SALL2: variants seen among roughly 807,000 people sequenced by gnomAD.
SALL2 encodes the protein sal-like protein 2.
Under a neutral mutation model 58.5 loss-of-function variants are expected in SALL2, and 32 were observed. The observed-to-expected ratio is 0.55, with a 90% CI of 0.41 to 0.74. The LOEUF (loss-of-function observed/expected upper bound fraction) is 0.74, where lower values mean the gene tolerates loss of function less well. SALL2 is among the 30% of genes least tolerant of loss of function. The pLI is 0.00. For synonymous variants in SALL2, 516 were observed against 513.6 expected (o/e 1.00, Z -0.06); for missense variants, 1,201 against 1,268.9 (o/e 0.95, Z 0.81).
intron 1 of SALL2, among the ~76,000 whole-genome samples, chr14:21,533,854 A>G (rs1892526954): frequency 6.6e-6 from 1 of 151,958 alleles, no homozygotes; most frequent in African/African-American, 2.4e-5. Context: ...AAGGCAAAAG[A>G]CTCCTGGAAA....
chr14:21,533,756 T>C (rs988702244), intron 1 of SALL2, among the ~76,000 whole-genome samples: 9 of 152,192 alleles, frequency 5.9e-5, no homozygotes, highest in African/African-American at 2.2e-4. Flanking sequence ...CTTGGTGATG[T>C]CTTAGGTCAC....
chr14:21,524,633 G>A lies in SALL2; in HGVS notation c.1089C>T (p.Pro363=), dbSNP rs1159490439. The A allele has an allele frequency of 1.2e-5, 19 of 1,614,066 alleles. No homozygotes were observed. The highest frequency in any genetic ancestry group is 1.6e-4 in the Middle Eastern group (1 of 6,084). The part of the protein sequence containing the change: ...GELSYGEVMG[P]LEKPGGRHKC... ...TGTGCCTTCCACCAGGCTTCTCCAA[G>A]GGACCCATCACTTCTCCGTAGCTCA... Residue 363 remains proline, a synonymous_variant, in exon 2 of 2, where the codon CCC becomes CCT. Transcript: ENST00000537235.
At position 21,523,098 on chromosome 14, in the gene SALL2, G is replaced by A. The variant is rs1892111990; in HGVS notation, c.2624C>T (p.Ser875Leu). ...GKPERSSSPASALTPEGEATS... is the reference protein window; with the variant it reads ...GKPERSSSPALALTPEGEATS... ...GGCTTCCCCTTCTGGGGTGAGTGCT[G>A]ATGCCGGACTTGAGCTTCTCTCCGG... The change falls in exon 2 of 2, where the codon TCA (serine) becomes TTA (leucine). Residue 875 changes from serine to leucine, a missense_variant. This residue lies in a region of SALL2 where 675 missense variants were observed against 683.8 expected (regional missense o/e 0.99). Coordinates refer to ENST00000537235, the MANE Select transcript of SALL2 (RefSeq NM_001364564.1). This position sits in a 1 kb window ranked among gnomAD's most constrained non-coding sequence, Gnocchi z 4.4. 1 of 1,614,168 alleles carries A rather than the reference G, an allele frequency of 6.2e-7. No individual in the cohort carries two copies. The highest frequency in any genetic ancestry group is 1.1e-5 in the South Asian group (1 of 91,078).
Position 21,521,765 on chromosome 14 carries a change from C to T in SALL2, c.*939G>A. On this transcript the variant is annotated 3_prime_UTR_variant, in exon 2 of 2. Coordinates refer to ENST00000537235, the MANE Select transcript of SALL2 (RefSeq NM_001364564.1). ...AAATATCTCCTGGGAGACCTCTTGG[C>T]AAGAAATCAGCTTGTTTCCCAACTT... 1.7e-5 allele frequency: 8 copies of T among 470,812 alleles called. No homozygotes were observed. The South Asian group carries it at 2.0e-4, about 12-fold the overall frequency. The allele number at this position is 470,812 out of a possible 1,614,324, so 29.2% of individuals were successfully genotyped here. A position where few individuals can be genotyped will look rare whatever the true frequency, so the allele number is the denominator to read the frequency against.
chr14:21,523,114 TTC>T lies in SALL2; in HGVS notation c.2606_2607del (p.Arg869LysfsTer80). ...GTGAGTGCTGATGCCGGACTTGAGC[TTC>T]TCTCCGGTTTGCCCCCCTCTTCCTT... ...GGKEEGGKPERSSSPASALTP... is the reference protein window; with the variant it reads ...GGKEEGGKPEXSSSPASALTP... On this transcript the variant is annotated frameshift_variant, in exon 2 of 2. Transcript: ENST00000537235. LOFTEE classifies it high-confidence loss of function. This position sits in a 1 kb window ranked among gnomAD's most constrained non-coding sequence, Gnocchi z 4.4. The T allele has an allele frequency of 6.2e-7, 1 of 1,614,180 alleles. No individual in the cohort carries two copies. The highest frequency in any genetic ancestry group is 8.5e-7 in the Non-Finnish European group (1 of 1,180,018).
At position 21,522,446 on chromosome 14, in the gene SALL2, G is replaced by T. The variant is rs1021468298; in HGVS notation, c.*258C>A. On this transcript the variant is annotated 3_prime_UTR_variant, in exon 2 of 2. Coordinates refer to ENST00000537235, the MANE Select transcript of SALL2 (RefSeq NM_001364564.1). ...GGTCACACCAGGGAAGCTGGAGAGGGTTCCCCTTGAGAAAGCTGCAGAGAA... is the reference window on the plus strand; with the variant it reads ...GGTCACACCAGGGAAGCTGGAGAGGTTTCCCCTTGAGAAAGCTGCAGAGAA... 1.4e-5 allele frequency: 20 copies of T among 1,404,710 alleles called. No individual in the cohort carries two copies. The highest frequency in any genetic ancestry group is 1.8e-5 in the Non-Finnish European group (19 of 1,083,172). The allele number at this position is 1,404,710 out of a possible 1,614,324, so 87.0% of individuals were successfully genotyped here.
chr14:21,522,737 G>C lies in SALL2; in HGVS notation c.2985C>G (p.Pro995=), dbSNP rs1892087795. 5.9e-6 allele frequency: 9 copies of C among 1,533,072 alleles called. No homozygotes were observed. The highest frequency in any genetic ancestry group is 1.4e-5 in the African/African-American group (1 of 72,008). 95.0% of individuals were successfully genotyped at this position (1,533,072 alleles called of 1,614,324 possible). ...SPSITSTGLS[P]FPRKDDPTIP The stretch of plus-strand genomic sequence containing the variant: ...TCGTGGGGTCATCTTTTCGGGGAAA[G>C]GGGGAGAGCCCTGTGGAGGTGATGG... The change falls in exon 2 of 2, where the codon CCC becomes CCG. Residue 995 remains proline, a synonymous_variant. Coordinates refer to ENST00000537235, the MANE Select transcript of SALL2 (RefSeq NM_001364564.1).
At position 21,522,071 on chromosome 14, in the gene SALL2, G is replaced by C. The variant is rs764638824; in HGVS notation, c.*633C>G. The C allele has an allele frequency of 6.3e-7, 1 of 1,597,170 alleles. No homozygotes were observed. Among genetic ancestry groups the C allele is most frequent in the South Asian group, 1.1e-5 (1 of 90,790 alleles). Reference sequence around the variant, plus strand: ...TGGGTGCAGGAGGCTGAAATAGGAGGGGGGCTGTCTTCTCCTTGGCTTCCC... The same window carrying C: ...TGGGTGCAGGAGGCTGAAATAGGAGCGGGGCTGTCTTCTCCTTGGCTTCCC... On this transcript the variant is annotated 3_prime_UTR_variant, in exon 2 of 2. Coordinates refer to ENST00000537235, the MANE Select transcript of SALL2 (RefSeq NM_001364564.1).
At chr14:21,527,873 G>A (rs1039303945), upstream of SALL2, among the ~76,000 whole-genome samples, 3 of 151,238 alleles carry the variant, frequency 2.0e-5, no homozygotes, top group South Asian at 2.1e-4. Flanking sequence ...AAAAAAAGCC[G>A]GGCGCGGTGG....
In SALL2 at chr14:21,525,498, G is replaced by A; in HGVS notation, c.224C>T (p.Ala75Val). 2 of 1,614,010 alleles carry A rather than the reference G, an allele frequency of 1.2e-6. No individual in the cohort carries two copies. Among genetic ancestry groups the A allele is most frequent in the South Asian group, 1.1e-5 (1 of 91,056 alleles). The change falls in exon 2 of 2, where the codon GCC becomes GTC. Residue 75 changes from alanine to valine, a missense_variant. By Grantham distance (64) the Ala-to-Val change is moderately conservative. Coordinates refer to ENST00000537235, the MANE Select transcript of SALL2 (RefSeq NM_001364564.1). This position sits in a 1 kb window ranked among gnomAD's most constrained non-coding sequence, Gnocchi z 4.4. ...ACCCTCAGGCCGGGGTTCAGAGGAG[G>A]CCGAAGAGTTGTTGGGGTTCTCCTG... ...GGQENPNNSS[A>V]SSEPRPEGHN... is the part of the protein sequence containing the mutation.
In SALL2 at chr14:21,522,532, C is replaced by A; in HGVS notation, c.*172G>T. 1 of 1,390,246 alleles carries A rather than the reference C, an allele frequency of 7.2e-7. No homozygotes were observed. The allele number at this position is 1,390,246 out of a possible 1,614,324, so 86.1% of individuals were successfully genotyped here. A position where few individuals can be genotyped will look rare whatever the true frequency, so the allele number is the denominator to read the frequency against. ...GAAAAATTCCTTAGGGGGCCATCCC[C>A]TTGTAAGCACAGTAATTTCCAAGCT... is the stretch of plus-strand genomic sequence containing the variant. On this transcript the variant is annotated 3_prime_UTR_variant, in exon 2 of 2. Coordinates refer to ENST00000537235, the MANE Select transcript of SALL2 (RefSeq NM_001364564.1).
intron 1 of SALL2, among the ~76,000 whole-genome samples, chr14:21,535,926 C>T (rs1165244422): frequency 6.6e-6 from 1 of 151,438 alleles, no homozygotes; most frequent in Non-Finnish European, 1.5e-5. Context: ...CACAATCAGG[C>T]AAGTTTTTAA....
chr14:21,530,976 G>A (rs1202799254), upstream of SALL2, among the ~76,000 whole-genome samples: 1 of 152,174 alleles, frequency 6.6e-6, no homozygotes, highest in Non-Finnish European at 1.5e-5. Context: ...AATTGATTCT[G>A]TAACTATTGC....
chr14:21,534,109 C>T (rs1646372386), intron 1 of SALL2, among the ~76,000 whole-genome samples: 1 of 152,004 alleles, frequency 6.6e-6, no homozygotes, highest in African/African-American at 2.4e-5. Context: ...ATGGATGCTG[C>T]CCCATTCATG....
chr14:21,528,430 C>T (rs1892381111), upstream of SALL2, among the ~76,000 whole-genome samples: 1 of 152,130 alleles, frequency 6.6e-6, no homozygotes, highest in African/African-American at 2.4e-5. Context: ...TAGTAACATC[C>T]ACTTTACTTC....
rs887908437 is a variant in SALL2, at chr14:21,523,132, C to T, written c.2590G>A (p.Gly864Arg). 1.1e-5 allele frequency: 17 copies of T among 1,614,050 alleles called. No homozygotes were observed. Among genetic ancestry groups the T allele is most frequent in the Non-Finnish European group, 1.4e-5 (16 of 1,180,022 alleles). Residue 864 changes from glycine (G) to arginine (R), a missense_variant, in exon 2 of 2, where the codon GGG becomes AGG. Around this residue, in one of 3 missense-constraint regions of SALL2, gnomAD observed 675 missense variants for 683.8 expected, o/e 0.99. Transcript: ENST00000537235. This position sits in a 1 kb window ranked among gnomAD's most constrained non-coding sequence, Gnocchi z 4.4. ...CTTGAGCTTCTCTCCGGTTTGCCCC[C>T]CTCTTCCTTGCCTCCTAAAACACCA... ...SSGVLGGKEE[G>R]GKPERSSSPA...
At chr14:21,526,349 G>C, upstream of SALL2, 1 of 1,418,870 alleles carries the variant, frequency 7.0e-7, no homozygotes, top group Admixed American at 3.0e-5. Context: ...GGAGATCTGG[G>C]AGGAGCTGAT....
At position 21,526,085 on chromosome 14, in the gene SALL2, A is replaced by G. The variant is rs564718790; in HGVS notation, c.43T>C (p.Cys15Arg). Residue 15 changes from cysteine to arginine, a missense_variant, in exon 1 of 2, where the codon TGC becomes CGC. Physicochemically the swap from Cys to Arg is radical, Grantham distance 180 (BLOSUM62 -3). This residue lies in a region of SALL2 where 467 missense variants were observed against 468.9 expected (regional missense o/e 1.00). Coordinates refer to ENST00000537235, the MANE Select transcript of SALL2 (RefSeq NM_001364564.1). ...CCTCCGAGCTCTGCCGGCTCCCCGC[A>G]GGGCACCCCGAGACGAGAGCTCCTC... ...SERSSRLGVPCGEPAELGGDA... is the reference protein window; with the variant it reads ...SERSSRLGVPRGEPAELGGDA... The G allele has an allele frequency of 2.5e-4, 386 of 1,530,672 alleles. 4 individuals carry two copies. The South Asian group carries it at 4.4e-3, about 17-fold the overall frequency. 94.8% of individuals were successfully genotyped at this position (1,530,672 alleles called of 1,614,324 possible).
In SALL2 at chr14:21,526,094, CG is replaced by C. The variant is rs1892296828; in HGVS notation, c.33del (p.Val13CysfsTer48). On this transcript the variant is annotated frameshift_variant, in exon 1 of 2. Coordinates refer to ENST00000537235, the MANE Select transcript of SALL2 (RefSeq NM_001364564.1). LOFTEE classifies it high-confidence loss of function. MAHESERSSRLGVPCGEPAEL... is the reference protein window; with the variant it reads MAHESERSSRXGVPCGEPAEL... ...TCTGCCGGCTCCCCGCAGGGCACCC[CG>C]AGACGAGAGCTCCTCTCGGATTCGT... The C allele has an allele frequency of 1.3e-6, 2 of 1,538,072 alleles. No individual in the cohort carries two copies. The highest frequency in any genetic ancestry group is 1.7e-6 in the Non-Finnish European group (2 of 1,147,998).
Sources: allele counts gnomAD v4.1 joint callset (sites outside exome capture counted in the v4.1 genomes callset), GRCh38; gene constraint gnomAD v4.1.1; regional missense constraint gnomAD v4.1.1; non-coding constraint Gnocchi (gnomAD v3.1); transcripts MANE v1.5; gene names NCBI Gene and HGNC (gene_info 2026-07-23, HGNC 2026-07-21).